The following PHACTR3 variants were observed in gnomAD, a reference collection of about 807,000 sequenced individuals.
The protein encoded by PHACTR3 is protein phosphatase 1, regulatory subunit 123.
In PHACTR3, 16 loss-of-function variants were observed where a neutral mutation model predicts 66.8. The ratio of observed to expected loss-of-function variants is 0.24; its 90% CI spans 0.16 to 0.36. PHACTR3 has a LOEUF of 0.36. Ranked by LOEUF, PHACTR3 falls within the 10% of genes least tolerant of loss-of-function variation. The pLI is 1.00. For missense variants in PHACTR3, 647 were observed against 719.9 expected (o/e 0.90, Z 1.16); for synonymous variants, 323 against 292.1 (o/e 1.11, Z -1.08).
intron 1 of PHACTR3, among the ~76,000 whole-genome samples, chr20:59,690,195 C>A (rs867275528): frequency 3.3e-5 from 5 of 152,212 alleles, no homozygotes; most frequent in African/African-American, 1.2e-4. Context: ...GGGACCTGAG[C>A]AGATGGTCTG....
intron 1 of PHACTR3, among the ~76,000 whole-genome samples, chr20:59,742,683 A>G (rs541706801): frequency 9.2e-5 from 14 of 152,278 alleles, no homozygotes; most frequent in African/African-American, 3.1e-4. Flanking sequence ...CTGGGACAAG[A>G]GGAAGGTAAA....
chr20:59,698,431 TAAAAA>T (rs1000503587), intron 1 of PHACTR3, among the ~76,000 whole-genome samples: 1 of 146,880 alleles, frequency 6.8e-6, no homozygotes, highest in African/African-American at 2.5e-5. Flanking sequence ...TGTTGAATGA[TAAAAA>T]AAAAAGGATT....
At chr20:59,580,692 T>C (rs1397117336) in intron 1 of PHACTR3, among the ~76,000 whole-genome samples, 1 of 152,198 alleles carries the variant, frequency 6.6e-6, no homozygotes, top group Non-Finnish European at 1.5e-5. Flanking sequence ...GTTTGAAATT[T>C]AATGCCTTGT....
chr20:59,592,685 A>G (rs978253628), intron 1 of PHACTR3, among the ~76,000 whole-genome samples: 4 of 152,088 alleles, frequency 2.6e-5, no homozygotes, highest in African/African-American at 9.7e-5. Context: ...GCATCCACTC[A>G]TCTTTTTATT....
chr20:59,711,725 G>A (rs556639829), intron 1 of PHACTR3, among the ~76,000 whole-genome samples: 200 of 152,098 alleles, frequency 1.3e-3, no homozygotes, highest in African/African-American at 4.4e-3. Context: ...TGTTTACCCC[G>A]TCAAAATTGC....
At chr20:59,832,236 G>C (rs1414534336) in intron 8 of PHACTR3, among the ~76,000 whole-genome samples, 1 of 151,562 alleles carries the variant, frequency 6.6e-6, no homozygotes, top group African/African-American at 2.4e-5. Context: ...GGTCTCGCCT[G>C]TAATGTTGGC....
intron 1 of PHACTR3, 47 bp downstream of exon 1, chr20:59,605,179 C>A: frequency 8.0e-7 from 1 of 1,243,772 alleles, no homozygotes; most frequent in Non-Finnish European, 1.0e-6. Flanking sequence ...AGGCCCGAGG[C>A]AGGTGGCGCT....
At chr20:59,638,087 C>T (rs528137336) in intron 1 of PHACTR3, among the ~76,000 whole-genome samples, 1 of 152,350 alleles carries the variant, frequency 6.6e-6, no homozygotes, top group South Asian at 2.1e-4. Context: ...CTATTAAATG[C>T]TGCCTGAGTT....
intron 1 of PHACTR3, among the ~76,000 whole-genome samples, chr20:59,688,629 G>A (rs1403933697): frequency 6.6e-6 from 1 of 152,118 alleles, no homozygotes; most frequent in Non-Finnish European, 1.5e-5. Context: ...AGCCACAGAA[G>A]CATGTATTTT....
intron 1 of PHACTR3, among the ~76,000 whole-genome samples, chr20:59,729,947 G>A (rs1220474544): frequency 6.6e-6 from 1 of 152,136 alleles, no homozygotes; most frequent in East Asian, 1.9e-4. Context: ...TCAGAAGCAC[G>A]CTCTATTCTG....
At chr20:59,730,009 T>A (rs2038706904) in intron 1 of PHACTR3, among the ~76,000 whole-genome samples, 1 of 152,144 alleles carries the variant, frequency 6.6e-6, no homozygotes, top group Non-Finnish European at 1.5e-5. Flanking sequence ...GTAGGGACTG[T>A]GCACTTGAGC....
At chr20:59,760,634 T>C (rs560040994) in intron 4 of PHACTR3, among the ~76,000 whole-genome samples, 5 of 152,242 alleles carry the variant, frequency 3.3e-5, no homozygotes, top group African/African-American at 1.2e-4. Flanking sequence ...GAACTATGAG[T>C]CCATTAAACT....
At chr20:59,631,753 C>A (rs117529637) in intron 1 of PHACTR3, among the ~76,000 whole-genome samples, 4,115 of 152,276 alleles carry the variant, frequency 0.027, 76 homozygotes, top group Middle Eastern at 0.071. Context: ...ACAGAGCCAG[C>A]CCCCAAAACA....
chr20:59,652,977 C>T (rs1392844477), intron 1 of PHACTR3, among the ~76,000 whole-genome samples: 2 of 151,920 alleles, frequency 1.3e-5, no homozygotes, highest in Non-Finnish European at 2.9e-5. Flanking sequence ...CTAACGGTTG[C>T]CTATAGTGGA....
chr20:59,755,761 C>T (rs1009905149), intron 4 of PHACTR3, among the ~76,000 whole-genome samples: 10 of 152,188 alleles, frequency 6.6e-5, no homozygotes, highest in African/African-American at 2.4e-4. Flanking sequence ...AGGGACTTTT[C>T]TGTGGCCGAA....
At chr20:59,646,702 A>G (rs1186628634) in intron 1 of PHACTR3, among the ~76,000 whole-genome samples, 1 of 152,204 alleles carries the variant, frequency 6.6e-6, no homozygotes, top group East Asian at 1.9e-4. Flanking sequence ...TCCCCCAGGA[A>G]CATGACTCGG....
intron 1 of PHACTR3, among the ~76,000 whole-genome samples, chr20:59,592,680 C>T (rs57592861): frequency 2.2e-3 from 340 of 152,326 alleles, no homozygotes; most frequent in African/African-American, 7.6e-3. Flanking sequence ...CCCTGGCATC[C>T]ACTCATCTTT....
At chr20:59,630,366 A>T (rs1370024098) in intron 1 of PHACTR3, among the ~76,000 whole-genome samples, 2 of 152,030 alleles carry the variant, frequency 1.3e-5, no homozygotes, top group East Asian at 3.9e-4. Flanking sequence ...TATTTTTAGT[A>T]GAGACAGGGT....
intron 1 of PHACTR3, among the ~76,000 whole-genome samples, chr20:59,620,426 A>G (rs2146363699): frequency 6.6e-6 from 1 of 152,304 alleles, no homozygotes; most frequent in South Asian, 2.1e-4. Context: ...CCCACGTGGC[A>G]CGCGGCCAGC....
Sources: gnomAD v4.1 joint callset for allele counts (sites outside exome capture counted in the v4.1 genomes callset) on GRCh38, gnomAD v4.1.1 for gene constraint, MANE v1.5 for transcripts, NCBI Gene and HGNC (gene_info 2026-07-23, HGNC 2026-07-21) for gene names.